MAML3: variants seen among roughly 807,000 people sequenced by gnomAD.
The protein encoded by MAML3 is mastermind like transcriptional coactivator 3.
In MAML3, 27 loss-of-function variants were observed where a neutral mutation model predicts 101.9. That is an observed-to-expected ratio of 0.27 (90% CI 0.20 to 0.37). MAML3 has a LOEUF of 0.37. MAML3 is among the 10% of genes least tolerant of loss of function. The pLI, the probability that MAML3 is intolerant of heterozygous loss-of-function variation, is 1.00. For synonymous variants in MAML3, 501 were observed against 555.9 expected, an observed-to-expected ratio of 0.90 and a Z score of 1.39; for missense variants, 1,316 against 1,444.9, an observed-to-expected ratio of 0.91 and a Z score of 1.45.
chr4:139,878,048 C>G (rs1732146832), intron 2 of MAML3, among the ~76,000 whole-genome samples: 2 of 152,198 alleles, frequency 1.3e-5, no homozygotes, highest in African/African-American at 2.4e-5. Flanking sequence ...TTCTTACTGT[C>G]TCACACTCAA....
At chr4:140,043,226 G>A (rs1001727926) in intron 1 of MAML3, among the ~76,000 whole-genome samples, 5 of 151,950 alleles carry the variant, frequency 3.3e-5, no homozygotes, top group African/African-American at 9.7e-5. Flanking sequence ...CTTCACTTAC[G>A]GATGCAGAAT....
At chr4:139,922,138 CTG>C (rs1733141434) in intron 1 of MAML3, among the ~76,000 whole-genome samples, 1 of 152,088 alleles carries the variant, frequency 6.6e-6, no homozygotes, top group South Asian at 2.1e-4. Flanking sequence ...TTAAGCCAGC[CTG>C]TTAGTAATAC....
intron 1 of MAML3, among the ~76,000 whole-genome samples, chr4:140,137,641 A>G (rs1015961903): frequency 2.0e-5 from 3 of 152,282 alleles, no homozygotes; most frequent in Admixed American, 2.0e-4. Context: ...AGTATGCACT[A>G]TCTTTGTTAA....
Position 139,748,614 on chromosome 4 carries a change from C to T in MAML3, c.2080-17947G>A, listed in dbSNP as rs565303518. Among the ~76,000 whole-genome samples the T allele has an allele frequency of 2.0e-5, 3 of 152,004 alleles. No individual in the cohort carries two copies. In the East Asian group the frequency reaches 5.8e-4, roughly 29 times the overall value. ...GGGAGGACACTTCCGGCTCAGTCCC[C>T]CAAATCAGGATGAGGTTCAGCTTGA... On this transcript the variant is annotated intron_variant, in intron 2 of 4. Transcript: ENST00000509479.
chr4:139,907,843 C>T (rs1396346862), intron 1 of MAML3, among the ~76,000 whole-genome samples: 14 of 152,268 alleles, frequency 9.2e-5, no homozygotes, highest in Non-Finnish European at 7.3e-5. Flanking sequence ...TTCTTCTTCA[C>T]CGTGAATGAT....
At chr4:139,948,087 C>A (rs142050463) in intron 1 of MAML3, among the ~76,000 whole-genome samples, 3 of 141,962 alleles carry the variant, frequency 2.1e-5, no homozygotes, top group Admixed American at 1.4e-4. Context: ...GCAACAAGAG[C>A]GAGACTCCAT....
At chr4:139,988,684 A>G (rs915027182) in intron 1 of MAML3, among the ~76,000 whole-genome samples, 3 of 152,204 alleles carry the variant, frequency 2.0e-5, no homozygotes, top group Non-Finnish European at 4.4e-5. Context: ...AAATATTTGC[A>G]TCTTGACTGG....
At chr4:139,960,786 C>T (rs914094925) in intron 1 of MAML3, among the ~76,000 whole-genome samples, 1 of 152,090 alleles carries the variant, frequency 6.6e-6, no homozygotes, top group African/African-American at 2.4e-5. Context: ...GAAGCCACTG[C>T]TTAACTTTGG....
chr4:139,742,919 A>G (rs1008917127), intron 2 of MAML3, among the ~76,000 whole-genome samples: 3 of 152,136 alleles, frequency 2.0e-5, no homozygotes, highest in African/African-American at 7.2e-5. Context: ...AAGCATAAAT[A>G]TTTTTGCTTA....
At chr4:139,829,858 A>T (rs1473011563) in intron 2 of MAML3, among the ~76,000 whole-genome samples, 1 of 152,246 alleles carries the variant, frequency 6.6e-6, no homozygotes, top group Non-Finnish European at 1.5e-5. Context: ...CAGATCTGGG[A>T]ATATAACTTT....
At chr4:139,869,489 G>A (rs975667217) in intron 2 of MAML3, among the ~76,000 whole-genome samples, 7 of 152,220 alleles carry the variant, frequency 4.6e-5, no homozygotes, top group African/African-American at 1.7e-4. Flanking sequence ...AAAGACCCAA[G>A]AAGCTGGATA....
intron 2 of MAML3, among the ~76,000 whole-genome samples, chr4:139,781,822 C>T (rs1453128914): frequency 6.6e-6 from 1 of 152,084 alleles, no homozygotes; most frequent in Non-Finnish European, 1.5e-5. Flanking sequence ...TATCTGGCAC[C>T]CTAAGGTCAA....
chr4:139,993,122 C>A (rs374639481), intron 1 of MAML3, among the ~76,000 whole-genome samples: 3 of 151,712 alleles, frequency 2.0e-5, no homozygotes, highest in African/African-American at 7.3e-5. Context: ...GAGGCTGAGG[C>A]GGGCAGATCT....
chr4:140,152,827 C>G (rs1303530906), intron 1 of MAML3, 33 bp downstream of exon 1: 5 of 1,588,850 alleles, frequency 3.1e-6, no homozygotes, highest in Admixed American at 3.4e-5. Context: ...ACCCCCAACG[C>G]GCGCCGCAAG....
At chr4:139,916,511 A>G (rs1330001139) in intron 1 of MAML3, among the ~76,000 whole-genome samples, 1 of 152,164 alleles carries the variant, frequency 6.6e-6, no homozygotes, top group African/African-American at 2.4e-5. Flanking sequence ...CAGGGATATC[A>G]CTACTGAAGC....
At chr4:139,770,461 T>G (rs997364547) in intron 2 of MAML3, among the ~76,000 whole-genome samples, 6 of 152,356 alleles carry the variant, frequency 3.9e-5, no homozygotes, top group Non-Finnish European at 7.3e-5. Flanking sequence ...TTAAAAAGAC[T>G]ATTCTGTTTG....
intron 1 of MAML3, 49 bp downstream of exon 1, chr4:140,152,811 A>ACCCCCCC: frequency 1.3e-6 from 2 of 1,511,936 alleles, no homozygotes; most frequent in Non-Finnish European, 8.9e-7. Context: ...CCCCACCACC[A>ACCCCCCC]CCACCACCCC....
chr4:140,052,827 G>A (rs1727290930), intron 1 of MAML3, among the ~76,000 whole-genome samples: 3 of 151,942 alleles, frequency 2.0e-5, no homozygotes, highest in Non-Finnish European at 4.4e-5. Flanking sequence ...AAGCCACCGT[G>A]CCTGGCAAAA....
chr4:139,890,044 T>A lies in MAML3; in HGVS notation c.1392A>T (p.Pro464=). Residue 464 remains proline, a synonymous_variant, in exon 2 of 5, where the codon CCA becomes CCT. Transcript: ENST00000509479. The surrounding 1 kb of genome is among the most constrained non-coding windows in gnomAD (Gnocchi z 4.1). ...CAGCCATCTGTTTGAGCTGTTCTGC[T>A]GGAGACATGTCAGAGCTGGGCACAG... ...PVAVPSSDMS[P]AEQLKQMAAQ... 2 of 1,608,326 alleles carry A rather than the reference T, an allele frequency of 1.2e-6. No homozygotes were observed. Among genetic ancestry groups the A allele is most frequent in the Non-Finnish European group, 1.7e-6 (2 of 1,177,046 alleles).
Sources: allele counts gnomAD v4.1 joint callset (sites outside exome capture counted in the v4.1 genomes callset), GRCh38; gene constraint gnomAD v4.1.1; non-coding constraint Gnocchi (gnomAD v3.1); transcripts MANE v1.5; gene names NCBI Gene and HGNC (gene_info 2026-07-23, HGNC 2026-07-21).